The following ZNF695 variants were observed in gnomAD, a reference collection of about 807,000 sequenced individuals.
The protein encoded by ZNF695 is zinc finger protein 695, also known as zinc finger protein SBZF3.
A neutral mutation model predicts 11.2 loss-of-function variants in ZNF695; 11 were observed. The observed-to-expected ratio is 0.98, with a 90% CI of 0.62 to 1.62. The LOEUF is 1.62. Ranked by LOEUF, ZNF695 falls within the 40% of genes most tolerant of loss-of-function variation. The probability of loss-of-function intolerance (pLI) is 0.00; values close to 1 mark genes in which losing one functional copy is unlikely to be tolerated. For synonymous variants in ZNF695, 190 were observed against 201.4 expected, an observed-to-expected ratio of 0.94 and a Z score of 0.48; for missense variants, 559 against 590.5, an observed-to-expected ratio of 0.95 and a Z score of 0.55.
At chr1:246,963,562 A>G (rs1404469764) in intron 5 of ZNF695, among the ~76,000 whole-genome samples, 3 of 152,250 alleles carry the variant, frequency 2.0e-5, no homozygotes, top group Non-Finnish European at 4.4e-5. Context: ...ATGACAAGAC[A>G]AGTGCTATGG....
In ZNF695 at chr1:246,988,056, G is replaced by C; in HGVS notation, c.459C>G (p.Ser153Arg). ...GLDLCSATTHSKNFQCNKCVK... is the reference protein window; with the variant it reads ...GLDLCSATTHRKNFQCNKCVK... The stretch of plus-strand genomic sequence containing the variant: ...CACATTTATTGCATTGAAAGTTTTT[G>C]CTATGAGTAGTTGCTGAGCATAGGT... Residue 153 changes from serine (S) to arginine (R), a missense_variant, in exon 4 of 4, where the codon AGC (serine) becomes AGG (arginine). Transcript: ENST00000339986. 1 of 1,602,720 alleles carries C rather than the reference G, an allele frequency of 6.2e-7. No individual in the cohort carries two copies. The highest frequency in any genetic ancestry group is 8.5e-7 in the Non-Finnish European group (1 of 1,176,708).
intron 5 of ZNF695, among the ~76,000 whole-genome samples, chr1:246,964,307 T>C (rs967960915): frequency 1.3e-5 from 2 of 152,090 alleles, no homozygotes; most frequent in Admixed American, 1.3e-4. Context: ...TTTCTAATCA[T>C]GGCTTGGTCT....
intron 3 of ZNF695, among the ~76,000 whole-genome samples, chr1:246,993,942 C>T (rs1669117101): frequency 1.3e-5 from 2 of 150,492 alleles, no homozygotes; most frequent in South Asian, 2.1e-4. Context: ...GGGAGGCCAA[C>T]GTGGGCGGAT....
chr1:247,006,238 A>G (rs1339399693), intron 1 of ZNF695, among the ~76,000 whole-genome samples: 1 of 151,932 alleles, frequency 6.6e-6, no homozygotes, highest in Non-Finnish European at 1.5e-5. Flanking sequence ...AAAAAAAGAA[A>G]AAAAAAAAAA....
chr1:246,966,698 T>C (rs1399896534), intron 5 of ZNF695: 3 of 444,580 alleles, frequency 6.7e-6, no homozygotes, highest in East Asian at 7.0e-5. Context: ...AGGTGAGAGA[T>C]CGCTTGACCC....
At chr1:246,956,828 T>G (rs1027733762) in intron 5 of ZNF695, among the ~76,000 whole-genome samples, 2 of 152,170 alleles carry the variant, frequency 1.3e-5, no homozygotes, top group Admixed American at 1.3e-4. Flanking sequence ...ATTACAGGCA[T>G]GAGCCACTGC....
rs764546485 is a variant in ZNF695 at position 246,987,208 on chromosome 1, T to G, written c.1307A>C (p.Tyr436Ser). Residue 436 changes from tyrosine to serine, a missense_variant, in exon 4 of 4, where the codon TAC (tyrosine) becomes TCC (serine). Coordinates refer to ENST00000339986, the MANE Select transcript of ZNF695 (RefSeq NM_020394.5). ...AGCTTTGCCACATTCATCACATTTG[T>G]AGGGTTTCTCTCCAGTATGAATTCT... The part of the protein sequence containing the change: ...HKRIHTGEKP[Y>S]KCDECGKAFN... 3.7e-6 allele frequency: 6 copies of G among 1,614,002 alleles called. No homozygotes were observed. The highest frequency in any genetic ancestry group is 1.6e-4 in the Middle Eastern group (1 of 6,062).
In ZNF695 at chr1:246,971,376, C is replaced by T. The variant is rs144417582; in HGVS notation, c.391-3584G>A. ...GCTGAAGCACAGCATCACAGGGAGACGGTCAGGCCTCCGGATAGCTGTGGG... is the reference window on the plus strand; with the variant it reads ...GCTGAAGCACAGCATCACAGGGAGATGGTCAGGCCTCCGGATAGCTGTGGG... On this transcript the variant is annotated intron_variant, in intron 4 of 5. Transcript: ENST00000487338. 6.1e-3 allele frequency among the ~76,000 whole-genome samples: 935 copies of T among 152,294 alleles called. 8 individuals carry two copies. Among genetic ancestry groups the T allele is most frequent in the African/African-American group, 0.021 (882 of 41,562 alleles).
At chr1:246,963,217 A>G (rs1377904570) in intron 5 of ZNF695, among the ~76,000 whole-genome samples, 3 of 152,068 alleles carry the variant, frequency 2.0e-5, no homozygotes, top group Non-Finnish European at 2.9e-5. Flanking sequence ...TTCTGCATTC[A>G]TTTATTCATG....
At chr1:247,004,523 T>A (rs1464270079) in intron 1 of ZNF695, among the ~76,000 whole-genome samples, 14 of 152,124 alleles carry the variant, frequency 9.2e-5, no homozygotes, top group Non-Finnish European at 1.9e-4. Context: ...CTCTAAGATG[T>A]GGAACAAGAA....
At position 247,008,013 on chromosome 1, in the gene ZNF695, C is replaced by A. The variant is rs547233892; in HGVS notation, c.-105G>T. On this transcript the variant is annotated 5_prime_UTR_variant, in exon 1 of 4. Transcript: ENST00000339986. ...CAGTCACCCGGGACTCTCCGAGAGGCAGCAGACGGGAACCCAGCACCCCGC... is the reference window on the plus strand; with the variant it reads ...CAGTCACCCGGGACTCTCCGAGAGGAAGCAGACGGGAACCCAGCACCCCGC... 16 of 1,298,788 alleles carry A rather than the reference C, an allele frequency of 1.2e-5. No individual in the cohort carries two copies. In the East Asian group the frequency reaches 2.0e-4, roughly 16 times the overall value. 80.5% of individuals were successfully genotyped at this position (1,298,788 alleles called of 1,614,324 possible).
chr1:246,995,774 T>C (rs1033562976), intron 3 of ZNF695, among the ~76,000 whole-genome samples: 2 of 140,160 alleles, frequency 1.4e-5, no homozygotes, highest in African/African-American at 2.8e-5. Context: ...GATCGCACCA[T>C]TGCATTCCAA....
At chr1:246,996,383 T>C (rs1669211119) in intron 3 of ZNF695, among the ~76,000 whole-genome samples, 1 of 151,974 alleles carries the variant, frequency 6.6e-6, no homozygotes, top group Admixed American at 6.6e-5. Flanking sequence ...GCACCACAGA[T>C]GCCCAAGAAA....
chr1:247,001,712 C>CAAAAAAAAAAAA (rs56131097), intron 1 of ZNF695, among the ~76,000 whole-genome samples: 4 of 79,270 alleles, frequency 5.0e-5, no homozygotes, highest in African/African-American at 9.7e-5. Context: ...GACTTCGTCT[C>CAAAAAAAAAAAA]AAAAAAAAAA....
intron 5 of ZNF695, among the ~76,000 whole-genome samples, chr1:246,964,096 G>A (rs1285594395): frequency 6.6e-6 from 1 of 152,100 alleles, no homozygotes; most frequent in Non-Finnish European, 1.5e-5. Flanking sequence ...ATGGGGGAGG[G>A]GGCAGGTGGC....
At chr1:246,996,847 T>TTAG (rs1178795710) in intron 3 of ZNF695, among the ~76,000 whole-genome samples, 2 of 152,178 alleles carry the variant, frequency 1.3e-5, no homozygotes, top group African/African-American at 4.8e-5. Context: ...AGAATGGTGT[T>TTAG]TCTAAAGGGC....
rs183595016 is a variant in ZNF695, at chr1:246,964,965, T to C, written c.488+2730A>G. Among the ~76,000 whole-genome samples the C allele has an allele frequency of 2.5e-3, 383 of 152,278 alleles. 2 individuals carry two copies. The highest frequency in any genetic ancestry group is 8.9e-3 in the African/African-American group (372 of 41,574). On this transcript the variant is annotated intron_variant, in intron 5 of 5. Transcript: ENST00000487338. Reference sequence around the variant, plus strand: ...AAGATGGGGGAACTTTATGGGGTGATTGGGTCGTGGGGCTCTGCCCTCATG... The same window carrying C: ...AAGATGGGGGAACTTTATGGGGTGACTGGGTCGTGGGGCTCTGCCCTCATG...
At chr1:246,962,899 G>T (rs769112638) in intron 5 of ZNF695, among the ~76,000 whole-genome samples, 9 of 152,090 alleles carry the variant, frequency 5.9e-5, no homozygotes, top group African/African-American at 9.7e-5. Flanking sequence ...GGATGGTCTT[G>T]ATCTCCTGAC....
At chr1:246,975,544 G>A (rs1427472243) in intron 4 of ZNF695, among the ~76,000 whole-genome samples, 1 of 152,152 alleles carries the variant, frequency 6.6e-6, no homozygotes, top group Non-Finnish European at 1.5e-5. Context: ...GAGGGCTGTG[G>A]GAGCAATAAT....
Sources: gnomAD v4.1 joint callset for allele counts (sites outside exome capture counted in the v4.1 genomes callset) on GRCh38, gnomAD v4.1.1 for gene constraint, MANE v1.5 for transcripts, NCBI Gene and HGNC (gene_info 2026-07-23, HGNC 2026-07-21) for gene names.